SEZ6L: variants seen among roughly 807,000 people sequenced by gnomAD.
The protein encoded by SEZ6L is seizure 6-like protein.
A neutral mutation model predicts 106.2 loss-of-function variants in SEZ6L; 37 were observed. That is an observed-to-expected ratio of 0.35 (90% CI 0.27 to 0.46). The LOEUF is 0.46. Among genes scored for constraint, SEZ6L ranks in the 20% least tolerant of loss-of-function variants. SEZ6L has a pLI of 1.00. For missense variants in SEZ6L, 1,172 were observed against 1,332.8 expected (o/e 0.88, Z 1.88); for synonymous variants, 541 against 570.4 (o/e 0.95, Z 0.73).
chr22:26,351,703 T>C (rs2083288899), intron 12 of SEZ6L, among the ~76,000 whole-genome samples: 3 of 152,036 alleles, frequency 2.0e-5, no homozygotes, highest in South Asian at 4.2e-4. Flanking sequence ...CGTGCCACCA[T>C]GCCTGGCTAA....
At chr22:26,375,315 G>A (rs1218337065) in intron 14 of SEZ6L, among the ~76,000 whole-genome samples, 1 of 152,174 alleles carries the variant, frequency 6.6e-6, no homozygotes, top group Admixed American at 6.5e-5. Context: ...CAAAAAATGG[G>A]AATGGTACGA....
chr22:26,225,564 T>C (rs1351803427), intron 1 of SEZ6L, among the ~76,000 whole-genome samples: 1 of 152,164 alleles, frequency 6.6e-6, no homozygotes, highest in Non-Finnish European at 1.5e-5. Flanking sequence ...GAAAGACAAC[T>C]GACAAAATGA....
chr22:26,247,729 G>T (rs1484011088), intron 1 of SEZ6L, among the ~76,000 whole-genome samples: 1 of 152,156 alleles, frequency 6.6e-6, no homozygotes, highest in Non-Finnish European at 1.5e-5. Context: ...CTAGATGGTG[G>T]TAATTTGTTG....
At position 26,225,251 on chromosome 22, in the gene SEZ6L, G is replaced by A. The variant is rs371626823; in HGVS notation, c.94+55488G>A. ...TGACTTGTCACACCAAACACAGGAC[G>A]AGCTCATCACTGGTCAGGAAGCCAA... is the stretch of plus-strand genomic sequence containing the variant. On this transcript the variant is annotated intron_variant, in intron 1 of 16. Coordinates refer to ENST00000248933, the MANE Select transcript of SEZ6L (RefSeq NM_021115.5). Among the ~76,000 whole-genome samples the A allele has an allele frequency of 3.1e-4, 47 of 152,296 alleles. 1 individual carries two copies. In the East Asian group the frequency reaches 6.8e-3, roughly 22 times the overall value.
intron 1 of SEZ6L, among the ~76,000 whole-genome samples, chr22:26,290,727 G>A (rs963830838): frequency 6.6e-6 from 1 of 152,180 alleles, no homozygotes; most frequent in African/African-American, 2.4e-5. Context: ...AGGCCCTCCA[G>A]GGCCTGGCCC....
chr22:26,232,023 A>C (rs2207607), intron 1 of SEZ6L, among the ~76,000 whole-genome samples: 31,762 of 152,024 alleles, frequency 0.21, 3,637 homozygotes, highest in East Asian at 0.42. Context: ...TTTGAATGCA[A>C]GCTCCACCAC....
At chr22:26,316,432 AGTGACAGGCAG>A (rs2081998683) in intron 9 of SEZ6L, among the ~76,000 whole-genome samples, 2 of 152,230 alleles carry the variant, frequency 1.3e-5, no homozygotes, top group South Asian at 4.1e-4. Context: ...TGAAAGGAGC[AGTGACAGGCAG>A]GTGAGGGCAC....
intron 10 of SEZ6L, among the ~76,000 whole-genome samples, chr22:26,342,655 C>T (rs1382795646): frequency 4.6e-5 from 7 of 152,262 alleles, no homozygotes; most frequent in Middle Eastern, 3.4e-3. Flanking sequence ...AAGATTGCGC[C>T]ACTGACTCCA....
intron 1 of SEZ6L, among the ~76,000 whole-genome samples, chr22:26,292,043 GGAAGGAAA>G (rs1601401951): frequency 1.6e-5 from 2 of 125,378 alleles, no homozygotes; most frequent in East Asian, 4.0e-4. Context: ...AAGGATGGAT[GGAAGGAAA>G]GAAGGAAGGA....
intron 3 of SEZ6L, among the ~76,000 whole-genome samples, chr22:26,294,933 CTCTTTCTT>C (rs35822818): frequency 5.3e-4 from 39 of 73,842 alleles, no homozygotes; most frequent in African/African-American, 1.5e-3. Flanking sequence ...CTTTCTCTTT[CTCTTTCTT>C]TCTTTCTTTC....
chr22:26,214,698 G>A lies in SEZ6L; in HGVS notation c.94+44935G>A, dbSNP rs557529524. Reference sequence around the variant, plus strand: ...CTTCAACAAAAGGATTTTGGCGCCAGTTGGCCCAGATTTGGAGGGGAGGAA... The same window carrying A: ...CTTCAACAAAAGGATTTTGGCGCCAATTGGCCCAGATTTGGAGGGGAGGAA... On this transcript the variant is annotated intron_variant, in intron 1 of 16. Coordinates refer to ENST00000248933, the MANE Select transcript of SEZ6L (RefSeq NM_021115.5). Among the ~76,000 whole-genome samples the A allele has an allele frequency of 3.4e-3, 520 of 152,276 alleles. 2 individuals carry two copies. Among genetic ancestry groups the A allele is most frequent in the Non-Finnish European group, 5.3e-3 (358 of 68,024 alleles).
intron 1 of SEZ6L, among the ~76,000 whole-genome samples, chr22:26,200,608 A>G (rs1940876589): frequency 6.6e-6 from 1 of 152,216 alleles, no homozygotes; most frequent in South Asian, 2.1e-4. Flanking sequence ...TGCAGTGGGC[A>G]TAGCCCAGGC....
chr22:26,321,178 G>A (rs1294798047), intron 9 of SEZ6L, among the ~76,000 whole-genome samples: 1 of 152,212 alleles, frequency 6.6e-6, no homozygotes, highest in Non-Finnish European at 1.5e-5. Context: ...TTCACGACAA[G>A]CACATGCCTT....
intron 9 of SEZ6L, among the ~76,000 whole-genome samples, chr22:26,326,564 A>G (rs1284975286): frequency 1.3e-5 from 2 of 152,216 alleles, no homozygotes; most frequent in African/African-American, 4.8e-5. Context: ...TCTCCATGTA[A>G]TAGATGAGGA....
At chr22:26,193,380 G>A (rs1940366605) in intron 1 of SEZ6L, among the ~76,000 whole-genome samples, 1 of 152,182 alleles carries the variant, frequency 6.6e-6, no homozygotes, top group Non-Finnish European at 1.5e-5. Context: ...CACACAGGGA[G>A]TGGAGGTAAC....
At chr22:26,233,651 T>C (rs1029631588) in intron 1 of SEZ6L, among the ~76,000 whole-genome samples, 1 of 152,250 alleles carries the variant, frequency 6.6e-6, no homozygotes, top group African/African-American at 2.4e-5. Flanking sequence ...TCCCTCATTC[T>C]ACATGTATTT....
At chr22:26,304,380 GA>G (rs1340698293) in intron 5 of SEZ6L, among the ~76,000 whole-genome samples, 2 of 84,934 alleles carry the variant, frequency 2.4e-5, no homozygotes, top group African/African-American at 5.1e-5. Context: ...AAGAAAGAAA[GA>G]AAGAAAGAAA....
intron 13 of SEZ6L, among the ~76,000 whole-genome samples, chr22:26,371,728 T>C (rs1412562699): frequency 6.6e-6 from 1 of 151,046 alleles, no homozygotes; most frequent in East Asian, 1.9e-4. Flanking sequence ...CCCTGAAACC[T>C]CTCTTTTCTA....
At chr22:26,276,100 C>A (rs555071092) in intron 1 of SEZ6L, among the ~76,000 whole-genome samples, 1 of 152,356 alleles carries the variant, frequency 6.6e-6, no homozygotes, top group African/African-American at 2.4e-5. Flanking sequence ...ACGAAGTTAA[C>A]AATCACAAAG....
Sources: allele counts gnomAD v4.1 joint callset (sites outside exome capture counted in the v4.1 genomes callset), GRCh38; gene constraint gnomAD v4.1.1; transcripts MANE v1.5; gene names NCBI Gene and HGNC (gene_info 2026-07-23, HGNC 2026-07-21).